Variants in FBN1 observed in about 807,000 individuals in gnomAD.
FBN1 encodes fibrillin 1.
Under a neutral mutation model 365.1 loss-of-function variants are expected in FBN1, and 29 were observed. The observed-to-expected ratio is 0.08, with a 90% CI of 0.06 to 0.11. The LOEUF (loss-of-function observed/expected upper bound fraction) is 0.11. Ranked by LOEUF, FBN1 falls within the 10% of genes least tolerant of loss-of-function variation. The pLI, the probability that FBN1 is intolerant of heterozygous loss-of-function variation, is 1.00. For synonymous variants in FBN1, 1,210 were observed against 1,270.5 expected (o/e 0.95, Z 1.01); for missense variants, 2,476 against 3,703.2 (o/e 0.67, Z 8.60).
intron 2 of FBN1, among the ~76,000 whole-genome samples, chr15:48,627,808 C>A (rs1051827794): frequency 6.6e-6 from 1 of 152,176 alleles, no homozygotes; most frequent in African/African-American, 2.4e-5. Flanking sequence ...CAGCACTGTC[C>A]TCTCAGCACC....
intron 17 of FBN1, among the ~76,000 whole-genome samples, chr15:48,502,145 C>T (rs554160851): frequency 6.6e-6 from 1 of 152,312 alleles, no homozygotes; most frequent in African/African-American, 2.4e-5. Flanking sequence ...TCTCCTGCCT[C>T]AGCCTCCCGA....
Position 48,623,406 on chromosome 15 carries a change from T to C in FBN1, c.165-10314A>G, listed in dbSNP as rs561428020. On this transcript the variant is annotated intron_variant, in intron 2 of 65. Coordinates refer to ENST00000316623, the MANE Select transcript of FBN1 (RefSeq NM_000138.5). ...CACTGACATGCCTGTCATTAACTTA[T>C]TCTGATCAGTGAAGTTACCCATGTT... Among the ~76,000 whole-genome samples, 3 of 152,390 alleles carry C rather than the reference T, an allele frequency of 2.0e-5. No homozygotes were observed. In the South Asian group the frequency reaches 6.2e-4, roughly 32 times the overall value.
At chr15:48,554,806 T>C (rs947663150) in intron 6 of FBN1, among the ~76,000 whole-genome samples, 22 of 152,232 alleles carry the variant, frequency 1.4e-4, no homozygotes, top group African/African-American at 5.3e-4. Flanking sequence ...TATGTGACCA[T>C]GGGCAAATTA....
intron 58 of FBN1, among the ~76,000 whole-genome samples, chr15:48,426,348 T>C (rs150456371): frequency 2.2e-3 from 342 of 152,300 alleles, no homozygotes; most frequent in Non-Finnish European, 3.9e-3. Context: ...GTTGTCTTTG[T>C]GGTTAATCCT....
intron 2 of FBN1, among the ~76,000 whole-genome samples, chr15:48,618,838 C>A (rs1460694371): frequency 6.6e-5 from 10 of 152,050 alleles, no homozygotes; most frequent in Non-Finnish European, 1.5e-4. Flanking sequence ...TTGTGAACTG[C>A]GTGTGGGAGG....
chr15:48,569,748 T>A (rs989746263), intron 6 of FBN1, among the ~76,000 whole-genome samples: 3 of 152,160 alleles, frequency 2.0e-5, no homozygotes, highest in Non-Finnish European at 2.9e-5. Flanking sequence ...AAAAGGCATA[T>A]CTATAGAGAC....
rs192362543 is a variant in FBN1, at chr15:48,468,657, C to T, written c.4460-123G>A. 168 of 943,228 alleles carry T rather than the reference C, an allele frequency of 1.8e-4. No homozygotes were observed. In the African/African-American group the frequency reaches 2.3e-3, roughly 13 times the overall value. 58.4% of individuals were successfully genotyped at this position (943,228 alleles called of 1,614,324 possible). A position where few individuals can be genotyped will look rare whatever the true frequency, so the allele number is the denominator to read the frequency against. On this transcript the variant is annotated intron_variant, in intron 36 of 65. Transcript: ENST00000316623. ...ATTTTAAAGCTACTAGTTATAACTA[C>T]ATCTAGAAATGCAGTCTTCCACTTC... is the stretch of plus-strand genomic sequence containing the variant.
Position 48,492,561 on chromosome 15 carries a change from T to C in FBN1, c.2754A>G (p.Pro918=). 1.2e-6 allele frequency: 2 copies of C among 1,607,902 alleles called. No homozygotes were observed. The highest frequency in any genetic ancestry group is 2.2e-5 in the South Asian group (2 of 90,684). Residue 918 remains proline (P), a synonymous_variant, in exon 24 of 66, where the codon CCA becomes CCG. Coordinates refer to ENST00000316623, the MANE Select transcript of FBN1 (RefSeq NM_000138.5). ...CACACAGGCCATTTTTACACACTCCTGGGAACACTTCACATTCATCTATAT... is the reference window on the plus strand; with the variant it reads ...CACACAGGCCATTTTTACACACTCCCGGGAACACTTCACATTCATCTATAT... ...CEDIDECEVF[P]GVCKNGLCVN...
rs533531787 is a variant in FBN1, at chr15:48,537,224, A to T, written c.736+387T>A. ...GTCAATTAAGCACAACCCATGAGAG[A>T]GGAACTCAACAGTTTCAAATGAAGA... On this transcript the variant is annotated intron_variant, in intron 7 of 65. Transcript: ENST00000316623. Among the ~76,000 whole-genome samples the T allele has an allele frequency of 2.0e-5, 3 of 152,346 alleles. No homozygotes were observed. In the South Asian group the frequency reaches 6.2e-4, roughly 32 times the overall value.
At chr15:48,514,070 C>T (rs1566916392) in intron 12 of FBN1, among the ~76,000 whole-genome samples, 1 of 152,108 alleles carries the variant, frequency 6.6e-6, no homozygotes, top group East Asian at 1.9e-4. Flanking sequence ...CCAAGCATTC[C>T]CTGCTGAGTT....
intron 2 of FBN1, among the ~76,000 whole-genome samples, chr15:48,620,359 T>C (rs1253316695): frequency 6.6e-6 from 1 of 152,180 alleles, no homozygotes; most frequent in East Asian, 1.9e-4. Flanking sequence ...ATCTATTGAG[T>C]GCTTATCCTA....
intron 40 of FBN1, 138 bp from the exon 41 acceptor site, chr15:48,464,159 T>C (rs2043302397): frequency 1.3e-6 from 1 of 792,688 alleles, no homozygotes; most frequent in Non-Finnish European, 2.1e-6. Context: ...AGGTATTTCA[T>C]TCATCCGTGT....
intron 53 of FBN1, among the ~76,000 whole-genome samples, chr15:48,435,730 A>G (rs55720854): frequency 1.8e-3 from 139 of 78,400 alleles, no homozygotes; most frequent in African/African-American, 7.7e-3. Context: ...ATATATGTGT[A>G]TATATATGTG....
At chr15:48,539,807 T>C (rs1447581683) in intron 6 of FBN1, among the ~76,000 whole-genome samples, 1 of 152,088 alleles carries the variant, frequency 6.6e-6, no homozygotes, top group Non-Finnish European at 1.5e-5. Context: ...TTTTTTTTTT[T>C]ACTTTGTTTA....
intron 23 of FBN1, among the ~76,000 whole-genome samples, chr15:48,492,898 A>G (rs1176494147): frequency 7.2e-5 from 11 of 152,232 alleles, no homozygotes; most frequent in African/African-American, 2.7e-4. Flanking sequence ...GGTTCCCAGC[A>G]ATATAATTTG....
chr15:48,586,544 T>A (rs2044436490), intron 6 of FBN1, among the ~76,000 whole-genome samples: 1 of 152,172 alleles, frequency 6.6e-6, no homozygotes, highest in Non-Finnish European at 1.5e-5. Context: ...ACTGACCACA[T>A]CAAGCCATTA....
chr15:48,408,368 G>A lies in FBN1; in HGVS notation c.*2622C>T, dbSNP rs1293812383. 2 of 152,596 alleles carry A rather than the reference G, an allele frequency of 1.3e-5. No individual in the cohort carries two copies. 9.5% of individuals were successfully genotyped at this position (152,596 alleles called of 1,614,324 possible). A position where few individuals can be genotyped will look rare whatever the true frequency, so the allele number is the denominator to read the frequency against. On this transcript the variant is annotated 3_prime_UTR_variant, in exon 66 of 66. Coordinates refer to ENST00000316623, the MANE Select transcript of FBN1 (RefSeq NM_000138.5). ...CTAATTTACAGACATGATTTCTGAA[G>A]TTTAACAGTATTTGTAATGGCAATA...
At chr15:48,561,649 T>C (rs111539478) in intron 6 of FBN1, among the ~76,000 whole-genome samples, 2 of 152,330 alleles carry the variant, frequency 1.3e-5, no homozygotes, top group African/African-American at 4.8e-5. Context: ...CAACAATTTT[T>C]GATTCATCCA....
At chr15:48,631,360 C>T (rs1300664419) in intron 2 of FBN1, among the ~76,000 whole-genome samples, 1 of 152,128 alleles carries the variant, frequency 6.6e-6, no homozygotes. Context: ...CAGCCTGTCC[C>T]CAATCACGCA....
Sources: allele counts gnomAD v4.1 joint callset (sites outside exome capture counted in the v4.1 genomes callset), GRCh38; gene constraint gnomAD v4.1.1; transcripts MANE v1.5; gene names NCBI Gene and HGNC (gene_info 2026-07-23, HGNC 2026-07-21).